Variants in LIN28B observed in about 807,000 individuals in gnomAD.
LIN28B encodes the protein lin-28 RNA binding posttranscriptional regulator B, also known as protein lin-28 homolog B.
LIN28B carries 5 observed loss-of-function variants against 21.9 expected under a neutral mutation model. The ratio of observed to expected loss-of-function variants is 0.23; its 90% CI spans 0.12 to 0.48. The LOEUF is 0.48. LIN28B is among the 20% of genes least tolerant of loss of function. The pLI is 0.98. For synonymous variants in LIN28B, 109 were observed against 111.3 expected (o/e 0.98, Z 0.13); for missense variants, 245 against 310.5 (o/e 0.79, Z 1.58).
At chr6:104,944,597 T>G (rs1582855448) in intron 2 of LIN28B, among the ~76,000 whole-genome samples, 2 of 152,122 alleles carry the variant, frequency 1.3e-5, no homozygotes, top group Non-Finnish European at 2.9e-5. Context: ...AAATTTTCTA[T>G]TGTTTGAAAC....
At chr6:105,063,965 A>T (rs2114405522) in intron 3 of LIN28B, among the ~76,000 whole-genome samples, 1 of 151,424 alleles carries the variant, frequency 6.6e-6, no homozygotes, top group African/African-American at 2.4e-5. Flanking sequence ...AATACTATGA[A>T]AGATCAAAAT....
intron 2 of LIN28B, among the ~76,000 whole-genome samples, chr6:105,001,806 A>G (rs925921185): frequency 2.0e-5 from 3 of 152,228 alleles, no homozygotes; most frequent in Non-Finnish European, 4.4e-5. Context: ...CTCTTCTTCA[A>G]GTTTTTCTTG....
rs117614606 is a variant in LIN28B, at chr6:105,068,597, A to G, written c.384-9817A>G. On this transcript the variant is annotated intron_variant, in intron 3 of 3. Transcript: ENST00000345080. ...TTGTTACGCTGAATAGTACTGGACA[A>G]TACAGAGCCTTCCAAACACACGATT... 2.1e-3 allele frequency among the ~76,000 whole-genome samples: 315 copies of G among 152,334 alleles called. 11 individuals carry two copies. The East Asian group carries it at 0.05, about 24-fold the overall frequency.
At chr6:104,947,957 G>A (rs904739375) in intron 2 of LIN28B, among the ~76,000 whole-genome samples, 22 of 151,948 alleles carry the variant, frequency 1.4e-4, no homozygotes, top group African/African-American at 4.8e-4. Flanking sequence ...CATTTTCATG[G>A]ACTGTTATAA....
At chr6:105,022,996 A>G (rs934868253) in intron 2 of LIN28B, among the ~76,000 whole-genome samples, 9 of 150,824 alleles carry the variant, frequency 6.0e-5, no homozygotes, top group Admixed American at 5.4e-4. Flanking sequence ...AAGCATTGGA[A>G]CCAGTGTAAT....
At chr6:105,032,201 G>T (rs184902492) in intron 3 of LIN28B, among the ~76,000 whole-genome samples, 84 of 152,204 alleles carry the variant, frequency 5.5e-4, no homozygotes, top group Non-Finnish European at 7.8e-4. Flanking sequence ...GTGTCCAGTT[G>T]TGACAATTAT....
chr6:104,989,861 G>C (rs1770427291), intron 2 of LIN28B, among the ~76,000 whole-genome samples: 1 of 151,952 alleles, frequency 6.6e-6, no homozygotes, highest in African/African-American at 2.4e-5. Context: ...CAAAGTGCTA[G>C]GATTACTACA....
chr6:104,941,229 A>C (rs12528131), intron 2 of LIN28B: 2 of 152,000 alleles, frequency 1.3e-5, no homozygotes, highest in East Asian at 3.9e-4. Context: ...TGCGGTTCGG[A>C]AGCCGGCGCG....
intron 2 of LIN28B, among the ~76,000 whole-genome samples, chr6:104,972,970 G>T (rs973802618): frequency 6.6e-6 from 1 of 152,080 alleles, no homozygotes; most frequent in Non-Finnish European, 1.5e-5. Context: ...AATTAGCCAG[G>T]TGTGGTGGCA....
At chr6:104,969,714 A>G (rs937312046) in intron 2 of LIN28B, among the ~76,000 whole-genome samples, 2 of 152,198 alleles carry the variant, frequency 1.3e-5, no homozygotes, top group African/African-American at 4.8e-5. Flanking sequence ...ACCACTTTTG[A>G]AATGTAATGA....
At chr6:105,008,100 T>C (rs990260778) in intron 2 of LIN28B, among the ~76,000 whole-genome samples, 1 of 152,240 alleles carries the variant, frequency 6.6e-6, no homozygotes, top group African/African-American at 2.4e-5. Context: ...CACCACCACA[T>C]TGCTAAATCT....
At chr6:105,005,123 C>T (rs1212247) in intron 2 of LIN28B, among the ~76,000 whole-genome samples, 10 of 152,152 alleles carry the variant, frequency 6.6e-5, no homozygotes, top group African/African-American at 2.2e-4. Flanking sequence ...ACTTTTCCCT[C>T]CACATTTTCA....
At position 104,958,079 on chromosome 6, in the gene LIN28B, T is replaced by A; in HGVS notation, c.11-20T>A. The A allele has an allele frequency of 6.6e-7, 1 of 1,524,880 alleles. No homozygotes were observed. Among genetic ancestry groups the A allele is most frequent in the Non-Finnish European group, 8.9e-7 (1 of 1,123,434 alleles). The allele number at this position is 1,524,880 out of a possible 1,614,324, so 94.5% of individuals were successfully genotyped here. A position where few individuals can be genotyped will look rare whatever the true frequency, so the allele number is the denominator to read the frequency against. On this transcript the variant is annotated intron_variant, in intron 1 of 3. Coordinates refer to ENST00000345080, the MANE Select transcript of LIN28B (RefSeq NM_001004317.4). ...TTGAATGGGAATACAGACTGACTTT[T>A]TTGTCCTGTTCCTTCTCAGGCGGGG...
At chr6:105,054,529 A>G (rs1771982656) in intron 3 of LIN28B, among the ~76,000 whole-genome samples, 1 of 152,122 alleles carries the variant, frequency 6.6e-6, no homozygotes, top group African/African-American at 2.4e-5. Context: ...CTTTATCCCC[A>G]TTTCACCTTG....
chr6:105,050,794 T>A (rs964365541), intron 3 of LIN28B, among the ~76,000 whole-genome samples: 2 of 150,928 alleles, frequency 1.3e-5, no homozygotes, highest in Non-Finnish European at 2.9e-5. Flanking sequence ...TTTCTTAAAA[T>A]TTTTTTTTCT....
At chr6:104,973,338 T>C (rs1582872606) in intron 2 of LIN28B, among the ~76,000 whole-genome samples, 1 of 152,226 alleles carries the variant, frequency 6.6e-6, no homozygotes, top group East Asian at 1.9e-4. Context: ...TTTAATAGAA[T>C]AGAATTCATT....
intron 2 of LIN28B, among the ~76,000 whole-genome samples, chr6:104,975,563 T>G (rs1770072658): frequency 6.6e-6 from 1 of 152,206 alleles, no homozygotes; most frequent in African/African-American, 2.4e-5. Context: ...AGTATTGTAG[T>G]AATTATGAAA....
At chr6:104,979,290 A>C (rs147476376) in intron 2 of LIN28B, among the ~76,000 whole-genome samples, 2,930 of 151,696 alleles carry the variant, frequency 0.019, 98 homozygotes, top group African/African-American at 0.068. Context: ...GCTCACTGCA[A>C]CCTCCGCCTC....
At chr6:104,943,981 T>G (rs1244044086) in intron 2 of LIN28B, among the ~76,000 whole-genome samples, 2 of 152,156 alleles carry the variant, frequency 1.3e-5, no homozygotes, top group Non-Finnish European at 2.9e-5. Flanking sequence ...ACAATGATGC[T>G]CGACAAAGTC....
Sources: allele counts gnomAD v4.1 joint callset (sites outside exome capture counted in the v4.1 genomes callset), GRCh38; gene constraint gnomAD v4.1.1; transcripts MANE v1.5; gene names NCBI Gene and HGNC (gene_info 2026-07-23, HGNC 2026-07-21).